KIAA1328: variants seen among roughly 807,000 people sequenced by gnomAD.
KIAA1328 encodes protein hinderin.
Under a neutral mutation model 68.1 loss-of-function variants are expected in KIAA1328, and 52 were observed. The observed-to-expected ratio is 0.76, with a 90% CI of 0.61 to 0.96. The LOEUF is 0.96. Ranked by LOEUF, KIAA1328 falls within the 40% of genes least tolerant of loss-of-function variation. The pLI is 0.00. For missense variants in KIAA1328, 641 were observed against 677.6 expected (o/e 0.95, Z 0.60); for synonymous variants, 232 against 239.4 (o/e 0.97, Z 0.28).
At chr18:36,844,498 C>A (rs75503668) in intron 4 of KIAA1328, among the ~76,000 whole-genome samples, 196 bp downstream of exon 4, 1,553 of 152,068 alleles carry the variant, frequency 0.01, 16 homozygotes, top group Non-Finnish European at 0.015. Flanking sequence ...AAACTACTTT[C>A]CAATTTACAT....
chr18:37,129,727 G>C (rs1355463956), intron 7 of KIAA1328, among the ~76,000 whole-genome samples: 4 of 152,016 alleles, frequency 2.6e-5, no homozygotes, highest in African/African-American at 7.2e-5. Flanking sequence ...GATACTTATT[G>C]GTTTTTAGTT....
intron 6 of KIAA1328, among the ~76,000 whole-genome samples, chr18:37,026,326 C>G (rs1240098570): frequency 6.6e-6 from 1 of 152,176 alleles, no homozygotes; most frequent in Non-Finnish European, 1.5e-5. Context: ...CCTTCTGAAA[C>G]TATTCCAATC....
At chr18:37,142,125 A>G (rs148131126) in intron 7 of KIAA1328, among the ~76,000 whole-genome samples, 2,511 of 152,270 alleles carry the variant, frequency 0.016, 42 homozygotes, top group Non-Finnish European at 0.028. Context: ...ATTTAAGTCT[A>G]TGATCTATAT....
intron 6 of KIAA1328, among the ~76,000 whole-genome samples, chr18:36,980,445 T>C (rs1313028066): frequency 2.6e-5 from 4 of 152,142 alleles, no homozygotes; most frequent in African/African-American, 9.7e-5. Flanking sequence ...TCAGCTTCCA[T>C]ATAGAGAATG....
At chr18:36,970,934 G>C (rs1263269479) in intron 6 of KIAA1328, among the ~76,000 whole-genome samples, 1 of 152,116 alleles carries the variant, frequency 6.6e-6, no homozygotes, top group Non-Finnish European at 1.5e-5. Context: ...TTTCTTCACA[G>C]AATTACAAAA....
intron 5 of KIAA1328, among the ~76,000 whole-genome samples, chr18:36,946,722 A>G (rs2050917012): frequency 6.6e-6 from 1 of 152,212 alleles, no homozygotes; most frequent in Non-Finnish European, 1.5e-5. Flanking sequence ...TTTAAATTAA[A>G]TATAATGTTA....
In KIAA1328 at chr18:36,932,036, A is replaced by G. The variant is rs554398502; in HGVS notation, c.449-27272A>G. Among the ~76,000 whole-genome samples the G allele has an allele frequency of 4.8e-4, 73 of 152,154 alleles. 1 individual carries two copies. Among genetic ancestry groups the G allele is most frequent in the African/African-American group, 1.6e-3 (65 of 41,540 alleles). Reference sequence around the variant, plus strand: ...TTTAATGGCCTTTTCCATACTTTCTATCAGTTTATTTTACATCTTCAAGGG... The same window carrying G: ...TTTAATGGCCTTTTCCATACTTTCTGTCAGTTTATTTTACATCTTCAAGGG... On this transcript the variant is annotated intron_variant, in intron 5 of 9. Coordinates refer to ENST00000280020, the MANE Select transcript of KIAA1328 (RefSeq NM_020776.3).
intron 6 of KIAA1328, among the ~76,000 whole-genome samples, chr18:37,061,127 A>C (rs2056131630): frequency 6.6e-6 from 1 of 152,124 alleles, no homozygotes. Context: ...AAAAAAAGAG[A>C]AAGAAAAATA....
chr18:37,104,495 G>A (rs2057713663), intron 7 of KIAA1328, among the ~76,000 whole-genome samples: 1 of 152,144 alleles, frequency 6.6e-6, no homozygotes, highest in Admixed American at 6.6e-5. Flanking sequence ...GTTACAGGAG[G>A]CTGTGAAAGG....
intron 7 of KIAA1328, among the ~76,000 whole-genome samples, chr18:37,076,415 T>C (rs2056737425): frequency 6.6e-6 from 1 of 151,460 alleles, no homozygotes; most frequent in Admixed American, 6.6e-5. Flanking sequence ...AACATCCCAA[T>C]TAAAAGAACT....
intron 5 of KIAA1328, among the ~76,000 whole-genome samples, chr18:36,918,173 T>C (rs951829396): frequency 7.2e-5 from 11 of 152,032 alleles, no homozygotes; most frequent in Non-Finnish European, 1.0e-4. Flanking sequence ...ATTCCCCCCC[T>C]TTTTTGTATC....
At chr18:37,183,445 C>G (rs2059735167) in intron 9 of KIAA1328, among the ~76,000 whole-genome samples, 1 of 152,188 alleles carries the variant, frequency 6.6e-6, no homozygotes, top group Admixed American at 6.5e-5. Context: ...CTCTGATGCA[C>G]TTTGTCTAAA....
intron 5 of KIAA1328, among the ~76,000 whole-genome samples, chr18:36,907,180 T>G (rs993376501): frequency 1.3e-5 from 2 of 151,908 alleles, no homozygotes; most frequent in Admixed American, 1.3e-4. Flanking sequence ...TTTTATGAGG[T>G]TTTTTTTGTA....
intron 9 of KIAA1328, among the ~76,000 whole-genome samples, chr18:37,173,548 T>G (rs75551828): frequency 6.6e-6 from 1 of 152,210 alleles, no homozygotes; most frequent in East Asian, 1.9e-4. Context: ...AAATATCTTA[T>G]TTTAAATTTC....
chr18:36,907,972 A>G (rs2049283850), intron 5 of KIAA1328, among the ~76,000 whole-genome samples: 1 of 152,160 alleles, frequency 6.6e-6, no homozygotes, highest in African/African-American at 2.4e-5. Context: ...GGAACCACTC[A>G]GATTACCCAA....
At chr18:37,200,890 C>A (rs936248860) in intron 9 of KIAA1328, among the ~76,000 whole-genome samples, 1 of 152,036 alleles carries the variant, frequency 6.6e-6, no homozygotes, top group Admixed American at 6.5e-5. Context: ...TCTCCCTCCC[C>A]CAACCCACAG....
intron 9 of KIAA1328, among the ~76,000 whole-genome samples, chr18:37,173,693 G>A (rs1358504090): frequency 3.3e-5 from 5 of 152,192 alleles, no homozygotes; most frequent in African/African-American, 2.4e-5. Flanking sequence ...CAGCTTATCC[G>A]ATGAATTGAA....
intron 1 of KIAA1328, among the ~76,000 whole-genome samples, chr18:36,830,541 A>T (rs1267257133): frequency 6.6e-6 from 1 of 152,180 alleles, no homozygotes; most frequent in Non-Finnish European, 1.5e-5. Context: ...ATTAGCTTAT[A>T]GCATCCTATG....
downstream of KIAA1328, among the ~76,000 whole-genome samples, chr18:37,226,056 C>G (rs2060634764): frequency 6.6e-6 from 1 of 152,120 alleles, no homozygotes; most frequent in African/African-American, 2.4e-5. Context: ...GTGAATAGCC[C>G]AGACTTTCAG....
Sources: allele counts gnomAD v4.1 joint callset (sites outside exome capture counted in the v4.1 genomes callset), GRCh38; gene constraint gnomAD v4.1.1; transcripts MANE v1.5; gene names NCBI Gene and HGNC (gene_info 2026-07-23, HGNC 2026-07-21).